Variants in METTL15 observed in about 807,000 individuals in gnomAD.
METTL15 encodes the protein methyltransferase 15, mitochondrial 12S rRNA N4-cytidine, also known as 12S rRNA N(4)-cytidine methyltransferase METTL15.
METTL15 carries 34 observed loss-of-function variants against 38.3 expected under a neutral mutation model. The observed-to-expected ratio is 0.89, with a 90% CI of 0.68 to 1.18. The LOEUF (loss-of-function observed/expected upper bound fraction) is 1.18. METTL15 is among the 50% of genes most tolerant of loss of function. The probability of loss-of-function intolerance (pLI) is 0.00; values close to 1 mark genes in which losing one functional copy is unlikely to be tolerated. For missense variants in METTL15, 438 were observed against 498.4 expected (o/e 0.88, Z 1.15); for synonymous variants, 162 against 170.9 (o/e 0.95, Z 0.41).
At chr11:28,404,243 G>C (rs958834341) in intron 5 of METTL15, among the ~76,000 whole-genome samples, 1 of 151,908 alleles carries the variant, frequency 6.6e-6, no homozygotes, top group Non-Finnish European at 1.5e-5. Flanking sequence ...AGTTCCGTGG[G>C]GTCCAAGGAT....
At chr11:28,124,648 G>C (rs1464953261) in intron 3 of METTL15, among the ~76,000 whole-genome samples, 3 of 152,052 alleles carry the variant, frequency 2.0e-5, no homozygotes, top group African/African-American at 7.2e-5. Flanking sequence ...TGAAGAAATG[G>C]AGTGTTAATA....
intron 6 of METTL15, among the ~76,000 whole-genome samples, chr11:28,481,073 C>G (rs977716382): frequency 1.3e-5 from 2 of 152,160 alleles, no homozygotes; most frequent in African/African-American, 4.8e-5. Context: ...TTTCAATCTA[C>G]TTGAAAATGC....
At chr11:28,135,661 T>G (rs10835274) in intron 3 of METTL15, among the ~76,000 whole-genome samples, 1 of 152,180 alleles carries the variant, frequency 6.6e-6, no homozygotes, top group Admixed American at 6.5e-5. Flanking sequence ...AAATGAATTA[T>G]TATTGCATAG....
chr11:28,248,031 G>T (rs141614254), intron 4 of METTL15, among the ~76,000 whole-genome samples: 7 of 152,172 alleles, frequency 4.6e-5, no homozygotes, highest in Admixed American at 3.3e-4. Context: ...ATAGCAATAA[G>T]AGTATTTGGG....
At chr11:28,353,638 G>A (rs1850061021) in intron 4 of METTL15, among the ~76,000 whole-genome samples, 1 of 152,182 alleles carries the variant, frequency 6.6e-6, no homozygotes, top group Non-Finnish European at 1.5e-5. Flanking sequence ...AGTGTAATAA[G>A]ATGTCGGCCG....
chr11:28,188,265 A>G (rs1208753304), intron 3 of METTL15, among the ~76,000 whole-genome samples: 22 of 151,350 alleles, frequency 1.5e-4, no homozygotes, highest in Admixed American at 6.6e-5. Flanking sequence ...AAAAAATTCA[A>G]ACATATCAAA....
At chr11:28,158,291 A>C (rs1256829242) in intron 3 of METTL15, among the ~76,000 whole-genome samples, 1 of 152,144 alleles carries the variant, frequency 6.6e-6, no homozygotes, top group African/African-American at 2.4e-5. Flanking sequence ...CGTTCTGTGG[A>C]CACCTTCAGC....
intron 3 of METTL15, among the ~76,000 whole-genome samples, chr11:28,136,620 AAC>A (rs905178745): frequency 6.6e-5 from 10 of 152,294 alleles, no homozygotes; most frequent in African/African-American, 2.4e-4. Flanking sequence ...ATGATTTTAA[AAC>A]ACATATTAAT....
intron 4 of METTL15, among the ~76,000 whole-genome samples, chr11:28,245,327 A>G (rs185463009): frequency 2.0e-5 from 3 of 152,334 alleles, no homozygotes; most frequent in African/African-American, 7.2e-5. Flanking sequence ...TCCTGTGGCC[A>G]TAAAAGGATA....
intron 6 of METTL15, among the ~76,000 whole-genome samples, chr11:28,526,298 G>A (rs1851811547): frequency 6.6e-6 from 1 of 152,236 alleles, no homozygotes; most frequent in African/African-American, 2.4e-5. Context: ...CCGAGGAGGT[G>A]CCAAGAGTGA....
At chr11:28,499,672 T>C (rs1315000565) in intron 6 of METTL15, among the ~76,000 whole-genome samples, 1 of 151,936 alleles carries the variant, frequency 6.6e-6, no homozygotes, top group Non-Finnish European at 1.5e-5. Context: ...GAGATCACTT[T>C]GAGTTATGGC....
chr11:28,113,035 T>C (rs184101740), intron 2 of METTL15, among the ~76,000 whole-genome samples: 164 of 152,284 alleles, frequency 1.1e-3, no homozygotes, highest in African/African-American at 2.2e-3. Flanking sequence ...AATAATCAAT[T>C]TTCATATCCC....
intron 6 of METTL15, among the ~76,000 whole-genome samples, chr11:28,444,085 A>C (rs1340939593): frequency 1.3e-5 from 2 of 152,178 alleles, no homozygotes; most frequent in African/African-American, 4.8e-5. Context: ...ATACACCATG[A>C]TTTGTTTATG....
intron 6 of METTL15, among the ~76,000 whole-genome samples, chr11:28,524,707 G>A (rs1851794742): frequency 6.6e-6 from 1 of 152,200 alleles, no homozygotes; most frequent in Non-Finnish European, 1.5e-5. Context: ...GTTAGGAACT[G>A]AATGAGAGCC....
At chr11:28,438,071 G>T (rs1850998744) in intron 6 of METTL15, among the ~76,000 whole-genome samples, 1 of 152,170 alleles carries the variant, frequency 6.6e-6, no homozygotes, top group African/African-American at 2.4e-5. Flanking sequence ...AAAAGCAAAT[G>T]CAGACTTATT....
intron 4 of METTL15, among the ~76,000 whole-genome samples, chr11:28,272,995 G>A (rs906008562): frequency 2.6e-5 from 4 of 152,062 alleles, no homozygotes; most frequent in African/African-American, 7.2e-5. Context: ...AATTCTCTAA[G>A]CCAACGTTTC....
chr11:28,391,602 G>C (rs1291668096), intron 5 of METTL15, among the ~76,000 whole-genome samples: 2 of 152,022 alleles, frequency 1.3e-5, no homozygotes, highest in Non-Finnish European at 2.9e-5. Context: ...GCATGGTACT[G>C]GTACCAAAAC....
At chr11:28,394,973 T>G (rs1850553411) in intron 5 of METTL15, among the ~76,000 whole-genome samples, 1 of 152,118 alleles carries the variant, frequency 6.6e-6, no homozygotes, top group Non-Finnish European at 1.5e-5. Context: ...TTCTCCCTAC[T>G]ATACACAACC....
At chr11:28,158,723 C>T (rs1850347596) in intron 3 of METTL15, among the ~76,000 whole-genome samples, 1 of 152,182 alleles carries the variant, frequency 6.6e-6, no homozygotes, top group African/African-American at 2.4e-5. Context: ...AAGGCACTCA[C>T]TTTATGGCTT....
Sources: gnomAD v4.1 joint callset for allele counts (sites outside exome capture counted in the v4.1 genomes callset) on GRCh38, gnomAD v4.1.1 for gene constraint, MANE v1.5 for transcripts, NCBI Gene and HGNC (gene_info 2026-07-23, HGNC 2026-07-21) for gene names.